The following KIAA0319 variants were observed in gnomAD, a reference collection of about 807,000 sequenced individuals.
The protein encoded by KIAA0319 is KIAA0319.
KIAA0319 carries 83 observed loss-of-function variants against 108.4 expected under a neutral mutation model. The observed-to-expected ratio is 0.77, with a 90% CI of 0.64 to 0.92. KIAA0319 has a LOEUF of 0.92. KIAA0319 is among the 40% of genes least tolerant of loss of function. The pLI is 0.00. For synonymous variants in KIAA0319, 484 were observed against 510.4 expected, an observed-to-expected ratio of 0.95 and a Z score of 0.70; for missense variants, 1,195 against 1,322.4, an observed-to-expected ratio of 0.90 and a Z score of 1.49.
chr6:24,568,225 G>A lies in KIAA0319; in HGVS notation c.2140+556C>T, dbSNP rs1201800945. ...CTTATACTCCTCTGCACTTCAACAC[G>A]TTGTAATCATCCATTCACTAATTCA... On this transcript the variant is annotated intron_variant, in intron 13 of 20. Transcript: ENST00000378214. Among the ~76,000 whole-genome samples the A allele has an allele frequency of 2.6e-5, 4 of 152,130 alleles. 1 individual carries two copies. Among genetic ancestry groups the A allele is most frequent in the South Asian group, 4.1e-4 (2 of 4,830 alleles).
chr6:24,555,176 CA>C, intron 18 of KIAA0319, among the ~76,000 whole-genome samples: 1 of 152,100 alleles, frequency 6.6e-6, no homozygotes, highest in African/African-American at 2.4e-5. Context: ...CAGAGAAGCC[CA>C]GTTTAAATCT....
intron 9 of KIAA0319, 40 bp from the exon 10 acceptor site, chr6:24,576,636 C>T: frequency 6.5e-7 from 1 of 1,532,322 alleles, no homozygotes; most frequent in Non-Finnish European, 9.0e-7. Context: ...AAGAATATGC[C>T]AGGCTGGGTG....
chr6:24,569,228 C>T (rs1382200464), intron 12 of KIAA0319, among the ~76,000 whole-genome samples: 3 of 152,184 alleles, frequency 2.0e-5, no homozygotes, highest in African/African-American at 7.2e-5. Flanking sequence ...AAACGACTCC[C>T]ATTTCTTCTT....
chr6:24,563,420 G>A lies in KIAA0319; in HGVS notation c.2530C>T (p.Leu844=), dbSNP rs770367231. Residue 844 remains leucine, a synonymous_variant, in exon 16 of 21, where the codon CTG becomes TTG. Coordinates refer to ENST00000378214, the MANE Select transcript of KIAA0319 (RefSeq NM_014809.4). ...KDTLVRQLAV[L]LNVLDSDIKV... ...ATGTCCGAGTCCAGCACGTTCAGCAGCACAGCCAGCTGCCTCACAAGGGTG... is the reference window on the plus strand; with the variant it reads ...ATGTCCGAGTCCAGCACGTTCAGCAACACAGCCAGCTGCCTCACAAGGGTG... 14 of 1,613,740 alleles carry A rather than the reference G, an allele frequency of 8.7e-6. No homozygotes were observed. The Admixed American group carries it at 2.0e-4, about 23-fold the overall frequency.
In KIAA0319 at chr6:24,583,653, G is replaced by A. The variant is rs200254558; in HGVS notation, c.1044C>T (p.Pro348=). 31 of 1,613,656 alleles carry A rather than the reference G, an allele frequency of 1.9e-5. No individual in the cohort carries two copies. The highest frequency in any genetic ancestry group is 2.4e-5 in the Non-Finnish European group (28 of 1,179,828). ...SAGDNLIITL[P]DNEVELKAFV... ...AGGCCTTCAGTTCAACTTCATTGTC[G>A]GGTAAAGTTATAATTAGGTTATCTC... Residue 348 remains proline (P), a synonymous_variant, in exon 5 of 21, where the codon CCC becomes CCT. Transcript: ENST00000378214.
Position 24,596,280 on chromosome 6 carries a change from C to T in KIAA0319, c.394G>A (p.Asp132Asn). The change falls in exon 3 of 21, where the codon GAC (aspartate) becomes AAC (asparagine). Residue 132 changes from aspartate to asparagine, a missense_variant. Physicochemically the swap from Asp to Asn is conservative, Grantham distance 23. Transcript: ENST00000378214. ...NRGSPSGIWG[D>N]SPEDIRKDLT... ...TCCTTTCTGATATCCTCAGGTGAGTCCCCCCAGATCCCCGAGGGGGAGCCC... is the reference window on the plus strand; with the variant it reads ...TCCTTTCTGATATCCTCAGGTGAGTTCCCCCAGATCCCCGAGGGGGAGCCC... 1 of 1,611,008 alleles carries T rather than the reference C, an allele frequency of 6.2e-7. No individual in the cohort carries two copies. The highest frequency in any genetic ancestry group is 8.5e-7 in the Non-Finnish European group (1 of 1,177,392).
Position 24,582,302 on chromosome 6 carries a change from C to A in KIAA0319, c.1138G>T (p.Asp380Tyr). The change falls in exon 6 of 21, where the codon GAC (aspartate) becomes TAC (tyrosine). Residue 380 changes from aspartate to tyrosine, a missense_variant. By Grantham distance (160) the Asp-to-Tyr change is radical. Transcript: ENST00000378214. ...CCTTGTTTTATTTCACCTTGGTAGTCTGTGGGGTGGCTTATTAAATTCCAT... is the reference window on the plus strand; with the variant it reads ...CCTTGTTTTATTTCACCTTGGTAGTATGTGGGGTGGCTTATTAAATTCCAT... The part of the protein sequence containing the change: ...YEWNLISHPT[D>Y]YQGEIKQGHK... 6.2e-7 allele frequency: 1 copy of A among 1,612,160 alleles called. No individual in the cohort carries two copies. The highest frequency in any genetic ancestry group is 1.1e-5 in the South Asian group (1 of 91,010).
intron 8 of KIAA0319, among the ~76,000 whole-genome samples, chr6:24,579,475 C>A (rs1213548170): frequency 2.1e-5 from 3 of 140,026 alleles, no homozygotes; most frequent in Admixed American, 7.2e-5. Flanking sequence ...ATATATATAT[C>A]TTATATATCT....
At chr6:24,595,589 G>A (rs1380448473) in intron 3 of KIAA0319, among the ~76,000 whole-genome samples, 2 of 148,130 alleles carry the variant, frequency 1.4e-5, no homozygotes, top group Non-Finnish European at 3.0e-5. Flanking sequence ...GCATTTCTAG[G>A]GAGAAGTGCT....
intron 1 of KIAA0319, among the ~76,000 whole-genome samples, chr6:24,629,239 A>G (rs9358775): frequency 0.71 from 107,500 of 151,882 alleles, 38,705 homozygotes; most frequent in East Asian, 0.87. Flanking sequence ...ATGACAGTCC[A>G]GCGTGGTGGC....
rs574239437 is a variant in KIAA0319, at chr6:24,578,069, G to A, written c.1505+41C>T. ...GTTAATTTAAAGAAACAGTCAAAAT[G>A]TAAGTAGCAGGCAGCACAATAAAGG... On this transcript the variant is annotated intron_variant, in intron 9 of 20. Coordinates refer to ENST00000378214, the MANE Select transcript of KIAA0319 (RefSeq NM_014809.4). 2.3e-5 allele frequency: 35 copies of A among 1,548,512 alleles called. 1 individual carries two copies. In the South Asian group the frequency reaches 4.4e-4, roughly 19 times the overall value.
rs77429005 is a variant in KIAA0319 at position 24,588,671 on chromosome 6, T to C, written c.916A>G (p.Thr306Ala). 342 of 1,613,932 alleles carry C rather than the reference T, an allele frequency of 2.1e-4. No homozygotes were observed. In the East Asian group the frequency reaches 5.9e-3, roughly 28 times the overall value. Residue 306 changes from threonine to alanine, a missense_variant, in exon 4 of 21, where the codon ACA becomes GCA. Physicochemically the swap from Thr to Ala is moderately conservative, Grantham distance 58. Transcript: ENST00000378214. ...TPGSTEHSIP[T>A]PPTSAAPSES... ...GAGGGGGCTGCGCTAGTGGGAGGTG[T>C]TGGGATGCTGTGCTCTGTACTCCCC...
chr6:24,632,866 G>A (rs1230723546), intron 1 of KIAA0319, among the ~76,000 whole-genome samples: 2 of 152,142 alleles, frequency 1.3e-5, no homozygotes, highest in African/African-American at 2.4e-5. Flanking sequence ...TTACAATTGT[G>A]GGATAAAATG....
Position 24,588,622 on chromosome 6 carries a change from G to A in KIAA0319, c.965C>T (p.Pro322Leu). 6.2e-7 allele frequency: 1 copy of A among 1,613,628 alleles called. No individual in the cohort carries two copies. Among genetic ancestry groups the A allele is most frequent in the Non-Finnish European group, 8.5e-7 (1 of 1,179,832 alleles). Reference protein sequence around the residue: ...APSESTPSELPISPTTAPRTV... With the variant: ...APSESTPSELLISPTTAPRTV... Reference sequence around the variant, plus strand: ...CCTGGGAGCAGTGGTAGGAGATATGGGTAGCTCAGATGGGGTGGACTCAGA... The same window carrying A: ...CCTGGGAGCAGTGGTAGGAGATATGAGTAGCTCAGATGGGGTGGACTCAGA... The change falls in exon 4 of 21, where the codon CCC becomes CTC. Residue 322 changes from proline (P) to leucine (L), a missense_variant. Physicochemically the swap from Pro to Leu is moderately conservative, Grantham distance 98. Transcript: ENST00000378214.
intron 14 of KIAA0319, 89 bp from the exon 15 acceptor site, chr6:24,564,429 C>T: frequency 6.5e-7 from 1 of 1,527,480 alleles, no homozygotes; most frequent in Non-Finnish European, 9.0e-7. Context: ...AGTGTCCCAT[C>T]TTTTTAACAC....
At chr6:24,631,634 C>T (rs898050875) in intron 1 of KIAA0319, among the ~76,000 whole-genome samples, 5 of 151,220 alleles carry the variant, frequency 3.3e-5, no homozygotes, top group Admixed American at 1.3e-4. Context: ...CTTGAGTGTA[C>T]ACCATGTGGC....
intron 10 of KIAA0319, among the ~76,000 whole-genome samples, chr6:24,573,249 C>T (rs1582000283): frequency 6.6e-6 from 1 of 152,188 alleles, no homozygotes; most frequent in East Asian, 1.9e-4. Flanking sequence ...TAAATAAGCA[C>T]ATACTCCAAC....
At chr6:24,594,814 C>T (rs917524037) in intron 3 of KIAA0319, among the ~76,000 whole-genome samples, 1 of 150,994 alleles carries the variant, frequency 6.6e-6, no homozygotes, top group African/African-American at 2.4e-5. Context: ...GTACTCCAAG[C>T]TTTTTTTTTA....
intron 13 of KIAA0319, among the ~76,000 whole-genome samples, chr6:24,567,826 T>A (rs1367887584): frequency 6.6e-6 from 1 of 152,152 alleles, no homozygotes; most frequent in Non-Finnish European, 1.5e-5. Flanking sequence ...AGACACAGCC[T>A]CAATTTGGAG....
Sources: gnomAD v4.1 joint callset for allele counts (sites outside exome capture counted in the v4.1 genomes callset) on GRCh38, gnomAD v4.1.1 for gene constraint, MANE v1.5 for transcripts, NCBI Gene and HGNC (gene_info 2026-07-23, HGNC 2026-07-21) for gene names.